The following ZNF236 variants were observed in gnomAD, a reference collection of about 807,000 sequenced individuals.
ZNF236 encodes the protein zinc finger protein 236.
A neutral mutation model predicts 191.2 loss-of-function variants in ZNF236; 50 were observed. The ratio of observed to expected loss-of-function variants is 0.26; its 90% CI spans 0.21 to 0.33. The LOEUF (loss-of-function observed/expected upper bound fraction) is 0.33. Ranked by LOEUF, ZNF236 falls within the 10% of genes least tolerant of loss-of-function variation. The probability of loss-of-function intolerance (pLI) is 1.00; values close to 1 mark genes in which losing one functional copy is unlikely to be tolerated. For missense variants in ZNF236, 1,754 were observed against 2,374.5 expected, an observed-to-expected ratio of 0.74 and a Z score of 5.43; for synonymous variants, 907 against 928.8, an observed-to-expected ratio of 0.98 and a Z score of 0.43.
chr18:76,870,933 C>T (rs546250247), intron 4 of ZNF236, among the ~76,000 whole-genome samples: 2 of 152,242 alleles, frequency 1.3e-5, no homozygotes, highest in East Asian at 3.9e-4. Context: ...TTTCGGGTGG[C>T]ACTGGGCCTG....
At chr18:76,869,956 C>CA (rs754740658) in intron 4 of ZNF236, among the ~76,000 whole-genome samples, 9 of 150,788 alleles carry the variant, frequency 6.0e-5, no homozygotes, top group Non-Finnish European at 1.2e-4. Flanking sequence ...ACTCTGTCTC[C>CA]AAAAAAAATA....
intron 11 of ZNF236, among the ~76,000 whole-genome samples, chr18:76,901,362 A>G (rs2122728972): frequency 6.6e-6 from 1 of 152,360 alleles, no homozygotes; most frequent in Admixed American, 6.5e-5. Flanking sequence ...GATGAAATGA[A>G]TCTTTTCTAA....
intron 5 of ZNF236, among the ~76,000 whole-genome samples, chr18:76,873,888 G>A (rs1285014957): frequency 3.4e-5 from 4 of 117,360 alleles, no homozygotes; most frequent in Non-Finnish European, 5.3e-5. Context: ...CCCCCCTGTC[G>A]TCCTCTCCTG....
Position 76,899,049 on chromosome 18 carries a change from A to C in ZNF236, c.1721A>C (p.Asp574Ala), listed in dbSNP as rs1568219109. The change falls in exon 11 of 31, where the codon GAC becomes GCC. Residue 574 changes from aspartate to alanine, a missense_variant. Physicochemically the swap from Asp to Ala is moderately radical, Grantham distance 126. Transcript: ENST00000320610. The stretch of plus-strand genomic sequence containing the variant: ...AGACCTTTTGCTTGTCCTCACTGTG[A>C]CAAAAAATTTCGAACCTCAGGCCAT... ...GVRPFACPHC[D>A]KKFRTSGHRK... 1 of 1,614,154 alleles carries C rather than the reference A, an allele frequency of 6.2e-7. No individual in the cohort carries two copies. The highest frequency in any genetic ancestry group is 1.7e-5 in the Admixed American group (1 of 60,030).
intron 3 of ZNF236, among the ~76,000 whole-genome samples, chr18:76,858,437 T>A (rs1401295464): frequency 3.9e-5 from 6 of 152,242 alleles, no homozygotes; most frequent in Non-Finnish European, 7.3e-5. Context: ...TACTTCAGGA[T>A]GTAGCCCCTA....
intron 1 of ZNF236, among the ~76,000 whole-genome samples, chr18:76,848,669 A>C (rs1300962496): frequency 6.6e-6 from 1 of 152,078 alleles, no homozygotes; most frequent in Non-Finnish European, 1.5e-5. Context: ...GAGAGAGCAA[A>C]GGTTTTATTT....
intron 1 of ZNF236, among the ~76,000 whole-genome samples, chr18:76,842,691 C>T (rs142244080): frequency 3.3e-5 from 5 of 150,850 alleles, no homozygotes; most frequent in East Asian, 2.0e-4. Context: ...GCGGAGGTTG[C>T]GGTGAGCAGA....
intron 28 of ZNF236, 87 bp downstream of exon 28, chr18:76,956,269 G>A: frequency 6.8e-7 from 1 of 1,479,938 alleles, no homozygotes; most frequent in South Asian, 1.2e-5. Context: ...CCGGGAATCT[G>A]GCATGTGTTT....
At chr18:76,918,474 G>A (rs1264644586) in intron 19 of ZNF236, among the ~76,000 whole-genome samples, 1 of 152,172 alleles carries the variant, frequency 6.6e-6, no homozygotes, top group Admixed American at 6.5e-5. Context: ...ACCCAGGCAG[G>A]AGTACACTGG....
At chr18:76,872,573 A>G (rs2658745) in intron 5 of ZNF236, among the ~76,000 whole-genome samples, 51,863 of 152,176 alleles carry the variant, frequency 0.34, 9,180 homozygotes, top group East Asian at 0.52. Flanking sequence ...ACATTGAAAT[A>G]ATAAAACTAT....
chr18:76,830,449 G>A (rs1295230792), intron 1 of ZNF236, among the ~76,000 whole-genome samples: 1 of 151,970 alleles, frequency 6.6e-6, no homozygotes, highest in Non-Finnish European at 1.5e-5. Context: ...CCAGCCAGTC[G>A]CCCAGTGACA....
At position 76,843,775 on chromosome 18, in the gene ZNF236, C is replaced by CA. The variant is rs780026489; in HGVS notation, c.56-5721dup. Among the ~76,000 whole-genome samples the CA allele has an allele frequency of 1.3e-3, 11 of 8,256 alleles. 1 individual carries two copies. The South Asian group carries it at 0.021, about 16-fold the overall frequency. The allele number at this position is 8,256 out of a possible 152,430, so 5.4% of individuals were successfully genotyped here. On this transcript the variant is annotated intron_variant, in intron 1 of 30. Transcript: ENST00000320610. Reference sequence around the variant, plus strand: ...TGGGCTACAGAGGGAGACTCCGTCTCAAAAAAAAAAAAAAAAAAAAAAAAA... The same window carrying CA: ...TGGGCTACAGAGGGAGACTCCGTCTCAAAAAAAAAAAAAAAAAAAAAAAAAA...
intron 17 of ZNF236, among the ~76,000 whole-genome samples, chr18:76,912,608 G>A (rs569211526): frequency 6.6e-6 from 1 of 152,316 alleles, no homozygotes; most frequent in East Asian, 1.9e-4. Flanking sequence ...CTCTGCTGCA[G>A]CTTCCCGTCA....
Position 76,875,587 on chromosome 18 carries a change from C to T in ZNF236, c.763C>T (p.His255Tyr). ...HMIKHTGEKP[H>Y]ACAFCPAAFS... ...GATCAAGCACACAGGTGAAAAACCC[C>T]ATGCCTGTGCCTTCTGTCCTGCCGC... is the stretch of plus-strand genomic sequence containing the variant. The change falls in exon 6 of 31, where the codon CAT (histidine) becomes TAT (tyrosine). Residue 255 changes from histidine to tyrosine, a missense_variant. His to Tyr is a moderately conservative substitution (Grantham distance 83, BLOSUM62 2). This residue lies in a region of ZNF236 where 336 missense variants were observed against 495.1 expected (regional missense o/e 0.68). Transcript: ENST00000320610. This position sits in a 1 kb window ranked among gnomAD's most constrained non-coding sequence, Gnocchi z 4.3. The T allele has an allele frequency of 1.1e-5, 18 of 1,607,270 alleles. No individual in the cohort carries two copies. Among genetic ancestry groups the T allele is most frequent in the Admixed American group, 1.7e-5 (1 of 58,902 alleles).
intron 3 of ZNF236, among the ~76,000 whole-genome samples, chr18:76,858,234 A>G (rs1215239542): frequency 6.6e-6 from 1 of 152,268 alleles, no homozygotes; most frequent in Non-Finnish European, 1.5e-5. Flanking sequence ...TAGCGATGGC[A>G]TATTCACTTA....
At chr18:76,939,815 T>G (rs1194879158) in intron 26 of ZNF236, among the ~76,000 whole-genome samples, 2,395 of 51,948 alleles carry the variant, frequency 0.046, 1 homozygote, top group Middle Eastern at 0.17. Context: ...CTGCATTTGG[T>G]AACACAGTGG....
Position 76,956,036 on chromosome 18 carries a change from G to A in ZNF236, c.4966G>A (p.Gly1656Ser). ...LAPGNQPEKE[G>S]RAHQCLECDR... ...CCCGGGCAACCAGCCAGAGAAGGAGGGCCGGGCGCACCAGTGCCTGGAGTG... is the reference window on the plus strand; with the variant it reads ...CCCGGGCAACCAGCCAGAGAAGGAGAGCCGGGCGCACCAGTGCCTGGAGTG... Residue 1656 changes from glycine to serine, a missense_variant, in exon 28 of 31, where the codon GGC (glycine) becomes AGC (serine). Physicochemically the swap from Gly to Ser is moderately conservative, Grantham distance 56 (BLOSUM62 0). This residue lies in a region of ZNF236 where 606 missense variants were observed against 761.5 expected (regional missense o/e 0.80). Transcript: ENST00000320610. The A allele has an allele frequency of 6.2e-7, 1 of 1,610,368 alleles. No homozygotes were observed. Among genetic ancestry groups the A allele is most frequent in the Admixed American group, 1.7e-5 (1 of 59,872 alleles).
At position 76,965,067 on chromosome 18, in the gene ZNF236, T is replaced by C. The variant is rs527717769; in HGVS notation, c.5420-3148T>C. On this transcript the variant is annotated intron_variant, in intron 30 of 30. Transcript: ENST00000320610. ...CATAATCCCCAGACTTCTTGGAGGC[T>C]TTGTTCATATTTTCTTATTCTTTTT... 2.0e-5 allele frequency among the ~76,000 whole-genome samples: 3 copies of C among 152,302 alleles called. No individual in the cohort carries two copies. In the East Asian group the frequency reaches 5.8e-4, roughly 29 times the overall value.
At chr18:76,929,752 A>T (rs1007731500) in intron 25 of ZNF236, among the ~76,000 whole-genome samples, 7 of 152,220 alleles carry the variant, frequency 4.6e-5, no homozygotes, top group African/African-American at 1.7e-4. Context: ...TTGGCTATAC[A>T]GTTCCTTATC....
Sources: allele counts gnomAD v4.1 joint callset (sites outside exome capture counted in the v4.1 genomes callset), GRCh38; gene constraint gnomAD v4.1.1; regional missense constraint gnomAD v4.1.1; non-coding constraint Gnocchi (gnomAD v3.1); transcripts MANE v1.5; gene names NCBI Gene and HGNC (gene_info 2026-07-23, HGNC 2026-07-21).